The following SPAG6 variants were observed in gnomAD, a reference collection of about 807,000 sequenced individuals.
The protein encoded by SPAG6 is sperm-associated antigen 6.
A neutral mutation model predicts 58.5 loss-of-function variants in SPAG6; 49 were observed. The observed-to-expected ratio is 0.84, with a 90% CI of 0.67 to 1.06. The LOEUF (loss-of-function observed/expected upper bound fraction) is 1.06. SPAG6 is among the 50% of genes least tolerant of loss of function. SPAG6 has a pLI of 0.00. For synonymous variants in SPAG6, 233 were observed against 225.6 expected, an observed-to-expected ratio of 1.03 and a Z score of -0.29; for missense variants, 560 against 611.3, an observed-to-expected ratio of 0.92 and a Z score of 0.89.
chr10:22,380,803 T>C (rs1411757057), intron 4 of SPAG6, among the ~76,000 whole-genome samples: 1 of 152,188 alleles, frequency 6.6e-6, no homozygotes, highest in African/African-American at 2.4e-5. Flanking sequence ...GGCTTAGAGA[T>C]AGTTAAAAGC....
chr10:22,356,254 T>C (rs1407557220), intron 2 of SPAG6, among the ~76,000 whole-genome samples: 3 of 152,226 alleles, frequency 2.0e-5, no homozygotes, highest in Admixed American at 6.5e-5. Context: ...TAGAGAACCA[T>C]TTAACATGCT....
At chr10:22,414,649 T>C (rs902173603) in intron 10 of SPAG6, among the ~76,000 whole-genome samples, 7 of 152,228 alleles carry the variant, frequency 4.6e-5, no homozygotes, top group Admixed American at 2.0e-4. Context: ...ATTTTTAATA[T>C]TGAATTTAAA....
At chr10:22,405,030 T>G (rs1327220638) in intron 9 of SPAG6, among the ~76,000 whole-genome samples, 1 of 152,208 alleles carries the variant, frequency 6.6e-6, no homozygotes, top group East Asian at 1.9e-4. Context: ...CTTAAAGAGA[T>G]TTTGGGCTGA....
intron 10 of SPAG6, 114 bp downstream of exon 10, chr10:22,411,290 C>A: frequency 1.3e-6 from 1 of 757,494 alleles, no homozygotes; most frequent in Non-Finnish European, 2.1e-6. Flanking sequence ...GATGTGAGGC[C>A]AATATGTACC....
chr10:22,364,396 C>T (rs1236593751), intron 2 of SPAG6, among the ~76,000 whole-genome samples: 8 of 152,136 alleles, frequency 5.3e-5, no homozygotes, highest in African/African-American at 1.9e-4. Flanking sequence ...ATATGATGAG[C>T]ACTAGTAGTA....
intron 4 of SPAG6, among the ~76,000 whole-genome samples, chr10:22,386,256 T>C (rs969197167): frequency 6.6e-6 from 1 of 152,162 alleles, no homozygotes; most frequent in African/African-American, 2.4e-5. Flanking sequence ...AAAAAATCTT[T>C]TAAAAGTACT....
At chr10:22,373,467 A>G (rs1459501854) in intron 4 of SPAG6, among the ~76,000 whole-genome samples, 3 of 152,238 alleles carry the variant, frequency 2.0e-5, no homozygotes, top group African/African-American at 7.2e-5. Flanking sequence ...TCACCTACTT[A>G]TTTATGGTGA....
intron 2 of SPAG6, among the ~76,000 whole-genome samples, chr10:22,355,794 T>C (rs1836849180): frequency 6.6e-6 from 1 of 152,132 alleles, no homozygotes. Flanking sequence ...CAATAAAGGC[T>C]GGGAGAAACC....
chr10:22,364,832 T>G lies in SPAG6; in HGVS notation c.122-21T>G, dbSNP rs1416114008. On this transcript the variant is annotated intron_variant, in intron 2 of 10. Transcript: ENST00000376624. ...TTAATTTAAATTTTCCTGATTTCTG[T>G]TCTTTCATAATTTAACTCAGGTGTA... 1.9e-6 allele frequency: 3 copies of G among 1,581,462 alleles called. No individual in the cohort carries two copies. In the African/African-American group the frequency reaches 4.1e-5, roughly 22 times the overall value.
At chr10:22,377,835 C>A (rs974337287) in intron 4 of SPAG6, among the ~76,000 whole-genome samples, 2 of 152,160 alleles carry the variant, frequency 1.3e-5, no homozygotes, top group African/African-American at 4.8e-5. Flanking sequence ...TGCTGTCTAG[C>A]CTTCTCCATC....
chr10:22,379,965 T>C (rs1222988146), intron 4 of SPAG6, among the ~76,000 whole-genome samples: 4 of 152,012 alleles, frequency 2.6e-5, no homozygotes, highest in African/African-American at 9.7e-5. Flanking sequence ...CAGCTAAGTT[T>C]TGATTTTTTT....
rs1331161456 is a variant in SPAG6, at chr10:22,416,666, G to T, written c.1508G>T (p.Ser503Ile). ...YSDTLLQRVD[S>I]YQPLNN is the part of the protein sequence containing the mutation. ...GATACACTTCTGCAGAGGGTGGACAGCTATCAACCACTTAATAACTGAGCA... is the reference window on the plus strand; with the variant it reads ...GATACACTTCTGCAGAGGGTGGACATCTATCAACCACTTAATAACTGAGCA... Residue 503 changes from serine to isoleucine, a missense_variant, in exon 11 of 11, where the codon AGC becomes ATC. Ser to Ile is a moderately radical substitution (Grantham distance 142, BLOSUM62 -2). Transcript: ENST00000376624. 1.2e-6 allele frequency: 2 copies of T among 1,608,320 alleles called. No homozygotes were observed. Among genetic ancestry groups the T allele is most frequent in the African/African-American group, 2.7e-5 (2 of 74,776 alleles).
Position 22,368,575 on chromosome 10 carries a change from T to C in SPAG6, c.369T>C (p.Asp123=). 6.2e-7 allele frequency: 1 copy of C among 1,614,032 alleles called. No homozygotes were observed. Among genetic ancestry groups the C allele is most frequent in the Non-Finnish European group, 8.5e-7 (1 of 1,179,954 alleles). ...HSPQLAQAIV[D]CGALDTLVIC... ...CCCAGCTAGCTCAGGCAATAGTCGA[T>C]TGTGGAGCACTGGATACGCTGGTCA... Residue 123 remains aspartate, a synonymous_variant, in exon 4 of 11, where the codon GAT becomes GAC. Transcript: ENST00000376624.
chr10:22,350,322 G>A (rs1836686675), intron 2 of SPAG6, among the ~76,000 whole-genome samples: 1 of 152,058 alleles, frequency 6.6e-6, no homozygotes, highest in Admixed American at 6.6e-5. Flanking sequence ...TTTATTCTGT[G>A]TTCCAAACCA....
intron 9 of SPAG6, among the ~76,000 whole-genome samples, chr10:22,409,952 C>G (rs1210779882): frequency 1.3e-5 from 2 of 152,204 alleles, no homozygotes; most frequent in Non-Finnish European, 2.9e-5. Flanking sequence ...CTTTCTGAAA[C>G]TTTAAAGTTT....
chr10:22,411,216 T>C lies in SPAG6; in HGVS notation c.1460+40T>C, dbSNP rs777035498. ...CTTTGAAACGTTCAATATTAGAATGTAGTTTTTCTGTTTTCACATCTAGGT... is the reference window on the plus strand; with the variant it reads ...CTTTGAAACGTTCAATATTAGAATGCAGTTTTTCTGTTTTCACATCTAGGT... On this transcript the variant is annotated intron_variant, in intron 10 of 10. Transcript: ENST00000376624. 3.9e-6 allele frequency: 6 copies of C among 1,550,936 alleles called. No homozygotes were observed. In the Admixed American group the frequency reaches 9.8e-5, roughly 25 times the overall value.
chr10:22,388,779 C>T (rs775209542), intron 6 of SPAG6, among the ~76,000 whole-genome samples: 14 of 152,030 alleles, frequency 9.2e-5, no homozygotes, highest in East Asian at 1.9e-4. Flanking sequence ...ATTTCAAGTC[C>T]GACATTGTCT....
At chr10:22,412,317 G>T in intron 10 of SPAG6, 1 of 563,788 alleles carries the variant, frequency 1.8e-6, no homozygotes, top group Non-Finnish European at 3.1e-6. Context: ...TACGCAAGTT[G>T]CAACATGTCT....
At chr10:22,410,204 C>T (rs752977657) in intron 9 of SPAG6, among the ~76,000 whole-genome samples, 1 of 152,076 alleles carries the variant, frequency 6.6e-6, no homozygotes, top group Admixed American at 6.5e-5. Flanking sequence ...TATGCCTACT[C>T]TTTAGTATAT....
Sources: gnomAD v4.1 joint callset for allele counts (sites outside exome capture counted in the v4.1 genomes callset) on GRCh38, gnomAD v4.1.1 for gene constraint, MANE v1.5 for transcripts, NCBI Gene and HGNC (gene_info 2026-07-23, HGNC 2026-07-21) for gene names.